Variants in RPGRIP1 observed in about 807,000 individuals in gnomAD.
RPGRIP1 encodes the protein RPGR interacting protein 1.
RPGRIP1 carries 128 observed loss-of-function variants against 157.9 expected under a neutral mutation model. The observed-to-expected ratio is 0.81, with a 90% CI of 0.70 to 0.94. The LOEUF (loss-of-function observed/expected upper bound fraction) is 0.94, where lower values mean the gene tolerates loss of function less well. Ranked by LOEUF, RPGRIP1 falls within the 40% of genes least tolerant of loss-of-function variation. The pLI is 0.00. For missense variants in RPGRIP1, 1,486 were observed against 1,545.8 expected, an observed-to-expected ratio of 0.96 and a Z score of 0.65; for synonymous variants, 554 against 571.6, an observed-to-expected ratio of 0.97 and a Z score of 0.44.
At chr14:21,300,887 C>A (rs1880995717) in intron 3 of RPGRIP1, 79 bp from the exon 4 acceptor site, 2 of 1,484,986 alleles carry the variant, frequency 1.3e-6, no homozygotes, top group Non-Finnish European at 9.2e-7. Context: ...TAGATCAATT[C>A]GTGATTATAT....
At chr14:21,339,361 G>A (rs891745745) in intron 21 of RPGRIP1, among the ~76,000 whole-genome samples, 2 of 151,998 alleles carry the variant, frequency 1.3e-5, no homozygotes, top group African/African-American at 4.8e-5. Context: ...AAGGAGAATG[G>A]TTTGAACCAA....
At position 21,301,831 on chromosome 14, in the gene RPGRIP1, T is replaced by C. The variant is rs933897664; in HGVS notation, c.490+594T>C. On this transcript the variant is annotated intron_variant, in intron 4 of 24. Transcript: ENST00000400017. ...AGGCGGAGGCTGCAGTGAGCCCAGA[T>C]GGCACCACTGAACTCCAGCCTGGGC... Among the ~76,000 whole-genome samples the C allele has an allele frequency of 3.5e-4, 53 of 151,818 alleles. 1 individual carries two copies. The highest frequency in any genetic ancestry group is 2.1e-3 in the Admixed American group (32 of 15,204).
In RPGRIP1 at chr14:21,338,130, A is replaced by T. The variant is rs374744983; in HGVS notation, c.3339+3425A>T. On this transcript the variant is annotated intron_variant, in intron 21 of 24. Coordinates refer to ENST00000400017, the MANE Select transcript of RPGRIP1 (RefSeq NM_020366.4). ...ATGGGGTTTCACCGTGTTAGCCAGG[A>T]TGGTCTCAATCTCCTGACCTCGTGA... Among the ~76,000 whole-genome samples the T allele has an allele frequency of 9.9e-5, 15 of 151,894 alleles. 1 individual carries two copies. The highest frequency in any genetic ancestry group is 3.6e-4 in the African/African-American group (15 of 41,366).
In RPGRIP1 at chr14:21,334,058, G is replaced by A. The variant is rs151237766; in HGVS notation, c.3239-547G>A. 8.1e-3 allele frequency among the ~76,000 whole-genome samples: 1,227 copies of A among 151,970 alleles called. 16 individuals carry two copies. Among genetic ancestry groups the A allele is most frequent in the African/African-American group, 0.027 (1,124 of 41,444 alleles). ...CTGCCTCAGCCTCCCGAGTGGCTGG[G>A]ACCACAGGAGTGTGCCACCAAGCCA... On this transcript the variant is annotated intron_variant, in intron 20 of 24. Transcript: ENST00000400017.
rs1880357955 is a variant in RPGRIP1, at chr14:21,287,972, A to C, written c.-5A>C. On this transcript the variant is annotated 5_prime_UTR_variant, in exon 2 of 25. Transcript: ENST00000400017. ...GGGATCTCTTACAGCTTGGGAACAG[A>C]GATCATGTCACATCTGGTGGACCCT... is the stretch of plus-strand genomic sequence containing the variant. 1 of 1,606,416 alleles carries C rather than the reference A, an allele frequency of 6.2e-7. No homozygotes were observed. The highest frequency in any genetic ancestry group is 1.3e-5 in the African/African-American group (1 of 74,864).
At chr14:21,290,583 G>A (rs1174565525) in intron 2 of RPGRIP1, among the ~76,000 whole-genome samples, 6 of 152,004 alleles carry the variant, frequency 3.9e-5, no homozygotes, top group South Asian at 4.1e-4. Flanking sequence ...AGGCCGAGGC[G>A]GGTGGATCAC....
intron 19 of RPGRIP1, among the ~76,000 whole-genome samples, chr14:21,329,515 T>A (rs916895355): frequency 7.9e-5 from 12 of 151,008 alleles, no homozygotes; most frequent in African/African-American, 2.7e-4. Flanking sequence ...TTTTTTTTTT[T>A]TTTTGAGACC....
At chr14:21,313,017 G>T (rs1881604022) in intron 10 of RPGRIP1, among the ~76,000 whole-genome samples, 2 of 151,374 alleles carry the variant, frequency 1.3e-5, no homozygotes, top group South Asian at 4.2e-4. Flanking sequence ...CTATTTTTTT[G>T]TAGAGACAGG....
intron 3 of RPGRIP1, among the ~76,000 whole-genome samples, chr14:21,297,535 A>G (rs1022287914): frequency 3.9e-5 from 6 of 152,318 alleles, no homozygotes; most frequent in Non-Finnish European, 7.3e-5. Context: ...GGGAGTTCTC[A>G]AAGTCTGGAG....
At chr14:21,288,266 C>A (rs191633603) in intron 2 of RPGRIP1, among the ~76,000 whole-genome samples, 1 of 150,514 alleles carries the variant, frequency 6.6e-6, no homozygotes, top group Admixed American at 6.7e-5. Context: ...CTGCAGCCTC[C>A]GACTCCTGGG....
intron 14 of RPGRIP1, 38 bp downstream of exon 14, chr14:21,322,042 CT>C (rs1882550696): frequency 1.3e-6 from 2 of 1,565,000 alleles, no homozygotes; most frequent in Non-Finnish European, 1.7e-6. Flanking sequence ...CTTCGGGACC[CT>C]TCCACAGCTA....
chr14:21,282,561 T>A (rs1445548324), intron 1 of RPGRIP1, among the ~76,000 whole-genome samples: 1 of 150,732 alleles, frequency 6.6e-6, no homozygotes, highest in Non-Finnish European at 1.5e-5. Context: ...TTTCATCCTG[T>A]TGAGTTCAAA....
At chr14:21,316,418 T>C (rs1274308071) in intron 10 of RPGRIP1, among the ~76,000 whole-genome samples, 1 of 151,728 alleles carries the variant, frequency 6.6e-6, no homozygotes, top group African/African-American at 2.4e-5. Context: ...GGCCGGTAAG[T>C]TATTTATTTA....
chr14:21,307,675 A>T, intron 6 of RPGRIP1, 56 bp from the exon 7 acceptor site: 1 of 1,155,108 alleles, frequency 8.7e-7, no homozygotes, highest in Non-Finnish European at 1.3e-6. Flanking sequence ...TCAAGGAGAA[A>T]ATGTCTTTAA....
chr14:21,296,785 T>C (rs1880801141), intron 3 of RPGRIP1, among the ~76,000 whole-genome samples: 1 of 151,640 alleles, frequency 6.6e-6, no homozygotes, highest in African/African-American at 2.4e-5. Context: ...TGAAACCCTG[T>C]CTCTACTAAA....
chr14:21,323,450 A>G (rs1783873682), intron 14 of RPGRIP1, among the ~76,000 whole-genome samples: 1 of 152,022 alleles, frequency 6.6e-6, no homozygotes, highest in East Asian at 1.9e-4. Context: ...GAATAAAAGC[A>G]CATAAGTGTC....
At chr14:21,308,304 T>G (rs763740165) in intron 7 of RPGRIP1, among the ~76,000 whole-genome samples, 1 of 152,204 alleles carries the variant, frequency 6.6e-6, no homozygotes, top group Non-Finnish European at 1.5e-5. Context: ...TAGCACACAT[T>G]AGAAACTAAC....
At chr14:21,346,539 A>G (rs1466196699) in intron 23 of RPGRIP1, among the ~76,000 whole-genome samples, 1 of 152,148 alleles carries the variant, frequency 6.6e-6, no homozygotes, top group Admixed American at 6.5e-5. Context: ...GTGACAAAGC[A>G]GACTCTGCCT....
chr14:21,311,936 A>G lies in RPGRIP1; in HGVS notation c.1043A>G (p.Glu348Gly), dbSNP rs767828631. The G allele has an allele frequency of 1.4e-5, 22 of 1,613,498 alleles. No individual in the cohort carries two copies. The highest frequency in any genetic ancestry group is 1.8e-5 in the Non-Finnish European group (21 of 1,179,702). ...KKAVSLKSQL[E>G]DVSILQMTLK... ...GCTGTGAGCTTGAAGAGCCAACTGG[A>G]AGATGTGTCTATCTTGCAGATGACT... The change falls in exon 9 of 25, where the codon GAA becomes GGA. Residue 348 changes from glutamate to glycine, a missense_variant. By Grantham distance (98) the Glu-to-Gly change is moderately conservative (BLOSUM62 -2). Coordinates refer to ENST00000400017, the MANE Select transcript of RPGRIP1 (RefSeq NM_020366.4).
Sources: gnomAD v4.1 joint callset for allele counts (sites outside exome capture counted in the v4.1 genomes callset) on GRCh38, gnomAD v4.1.1 for gene constraint, MANE v1.5 for transcripts, NCBI Gene and HGNC (gene_info 2026-07-23, HGNC 2026-07-21) for gene names.